JAKMIP3: variants seen among roughly 807,000 people sequenced by gnomAD.
JAKMIP3 encodes the protein janus kinase and microtubule-interacting protein 3.
In JAKMIP3, 58 loss-of-function variants were observed where a neutral mutation model predicts 118.5. The ratio of observed to expected loss-of-function variants is 0.49; its 90% CI spans 0.40 to 0.61. The LOEUF (loss-of-function observed/expected upper bound fraction) is 0.61. JAKMIP3 is among the 20% of genes least tolerant of loss of function. The probability of loss-of-function intolerance (pLI) is 0.00; values close to 1 mark genes in which losing one functional copy is unlikely to be tolerated. For synonymous variants in JAKMIP3, 486 were observed against 451.2 expected, an observed-to-expected ratio of 1.08 and a Z score of -0.98; for missense variants, 950 against 1,109.0, an observed-to-expected ratio of 0.86 and a Z score of 2.04.
At chr10:132,074,057 G>A (rs1432683729) in intron 1 of JAKMIP3, among the ~76,000 whole-genome samples, 1 of 152,004 alleles carries the variant, frequency 6.6e-6, no homozygotes, top group Non-Finnish European at 1.5e-5. Flanking sequence ...CTTTTGTTTT[G>A]TTTTGTTTTT....
chr10:132,175,525 A>C (rs1162901375), intron 23 of JAKMIP3, among the ~76,000 whole-genome samples: 2 of 152,110 alleles, frequency 1.3e-5, no homozygotes, highest in African/African-American at 4.8e-5. Flanking sequence ...TCTGGTCCCC[A>C]TTTGACCCCA....
Position 132,097,960 on chromosome 10 carries a change from CCT to C in JAKMIP3, c.-137-6711_-137-6710del, listed in dbSNP as rs1483754344. On this transcript the variant is annotated intron_variant, in intron 1 of 23. Transcript: ENST00000684848. ...CCCTTTCCCTTTCCCATCCCCTTTC[CCT>C]TTCCTTCCTTTTCTCCCCTTCCCCT... 1.3e-4 allele frequency among the ~76,000 whole-genome samples: 8 copies of C among 59,368 alleles called. 1 individual carries two copies. The highest frequency in any genetic ancestry group is 2.5e-4 in the Non-Finnish European group (7 of 27,874). 38.9% of individuals were successfully genotyped at this position (59,368 alleles called of 152,430 possible). A position where few individuals can be genotyped will look rare whatever the true frequency, so the allele number is the denominator to read the frequency against.
At position 132,144,968 on chromosome 10, in the gene JAKMIP3, C is replaced by T. The variant is rs371218501; in HGVS notation, c.1603-139C>T. The T allele has an allele frequency of 1.3e-4, 87 of 666,366 alleles. No homozygotes were observed. In the East Asian group the frequency reaches 2.1e-3, roughly 16 times the overall value. 41.3% of individuals were successfully genotyped at this position (666,366 alleles called of 1,614,324 possible). The stretch of plus-strand genomic sequence containing the variant: ...CAGTTCTCCCTCTCTTAGAAAGCAT[C>T]TCTTCCAAAGGAAGGGCGAACAGTC... On this transcript the variant is annotated intron_variant, in intron 11 of 23. Transcript: ENST00000684848.
At chr10:132,181,612 C>T (rs2061487675) in intron 23 of JAKMIP3, 1 of 152,250 alleles carries the variant, frequency 6.6e-6, no homozygotes, top group Non-Finnish European at 1.5e-5. Flanking sequence ...GCAGAGATTT[C>T]AACTGTAACG....
chr10:132,087,634 T>C (rs922463743), intron 1 of JAKMIP3, among the ~76,000 whole-genome samples: 2 of 151,896 alleles, frequency 1.3e-5, no homozygotes, highest in East Asian at 1.9e-4. Context: ...TTCTTCTGCT[T>C]GTTTGATTCT....
At position 132,117,430 on chromosome 10, in the gene JAKMIP3, C is replaced by T. The variant is rs369892382; in HGVS notation, c.489C>T (p.Gly163=). Residue 163 remains glycine (G), a synonymous_variant, in exon 3 of 24, where the codon GGC becomes GGT. Transcript: ENST00000684848. The surrounding 1 kb of genome is among the most constrained non-coding windows in gnomAD (Gnocchi z 8.6). ...KMQQEISELK[G]AKRQVEEALT... is the part of the protein sequence containing the mutation. ...AGCAGGAGATCTCCGAGCTCAAGGG[C>T]GCCAAAAGGCAGGTGGAGGAGGCGC... 51 of 1,613,952 alleles carry T rather than the reference C, an allele frequency of 3.2e-5. No homozygotes were observed. The highest frequency in any genetic ancestry group is 6.7e-5 in the Admixed American group (4 of 60,028).
At chr10:132,148,278 G>A (rs1045209033) in intron 14 of JAKMIP3, among the ~76,000 whole-genome samples, 1 of 152,204 alleles carries the variant, frequency 6.6e-6, no homozygotes, top group Non-Finnish European at 1.5e-5. Context: ...GTCAGGCAGG[G>A]ACCACCTCTT....
intron 1 of JAKMIP3, among the ~76,000 whole-genome samples, chr10:132,078,129 G>C (rs1031013224): frequency 5.3e-5 from 8 of 152,116 alleles, no homozygotes; most frequent in Non-Finnish European, 1.0e-4. Flanking sequence ...TTTTTAAAAA[G>C]ACTTTTGTTA....
chr10:132,144,853 C>T (rs950220419), intron 11 of JAKMIP3, among the ~76,000 whole-genome samples: 6 of 152,012 alleles, frequency 3.9e-5, no homozygotes, highest in Admixed American at 2.6e-4. Context: ...CACTTGAGCT[C>T]GGGAGGCGGA....
chr10:132,073,330 C>T lies in JAKMIP3; in HGVS notation c.-138+7269C>T, dbSNP rs556309824. On this transcript the variant is annotated intron_variant, in intron 1 of 23. Coordinates refer to ENST00000684848, the MANE Select transcript of JAKMIP3 (RefSeq NM_001323087.2). Reference sequence around the variant, plus strand: ...CCTCCTGAGTAGCTGGGACTACAGGCGCCTGCCACCGGGCCTGGCTAATTT... The same window carrying T: ...CCTCCTGAGTAGCTGGGACTACAGGTGCCTGCCACCGGGCCTGGCTAATTT... 1.1e-4 allele frequency among the ~76,000 whole-genome samples: 16 copies of T among 152,122 alleles called. No homozygotes were observed. The South Asian group carries it at 1.2e-3, about 12-fold the overall frequency.
rs1226019516 is a variant in JAKMIP3 at position 132,112,126 on chromosome 10, G to A, written c.136-4951G>A. 6.6e-6 allele frequency among the ~76,000 whole-genome samples: 1 copy of A among 151,982 alleles called. No individual in the cohort carries two copies. Among genetic ancestry groups the A allele is most frequent in the Non-Finnish European group, 1.5e-5 (1 of 67,958 alleles). ...CTGCCCTTTGCTGAGGTGGCATCTG[G>A]GCGAGGATGATGGGCACTGGGGGCC... On this transcript the variant is annotated intron_variant, in intron 2 of 23. Coordinates refer to ENST00000684848, the MANE Select transcript of JAKMIP3 (RefSeq NM_001323087.2). This position sits in a 1 kb window ranked among gnomAD's most constrained non-coding sequence, Gnocchi z 4.3.
intron 1 of JAKMIP3, among the ~76,000 whole-genome samples, chr10:132,042,099 C>T (rs1265000526): frequency 6.6e-6 from 1 of 152,056 alleles, no homozygotes; most frequent in African/African-American, 2.4e-5. Flanking sequence ...ATCCTGACCT[C>T]AAGTGATCTG....
intron 23 of JAKMIP3, among the ~76,000 whole-genome samples, chr10:132,178,439 A>C (rs1014404304): frequency 7.9e-5 from 12 of 152,196 alleles, no homozygotes; most frequent in African/African-American, 2.9e-4. Context: ...TCAAGAAAAA[A>C]ATACCTTGAC....
At chr10:132,161,456 T>G (rs2058292373) in intron 19 of JAKMIP3, among the ~76,000 whole-genome samples, 2 of 76,794 alleles carry the variant, frequency 2.6e-5, no homozygotes, top group Non-Finnish European at 4.8e-5. Flanking sequence ...CCTCTTCCTG[T>G]GTGATGCAGG....
chr10:132,150,499 A>C (rs1396841281), intron 16 of JAKMIP3, among the ~76,000 whole-genome samples: 1 of 152,022 alleles, frequency 6.6e-6, no homozygotes, highest in Non-Finnish European at 1.5e-5. Context: ...AAAATAATGC[A>C]CCTCTTCATC....
Position 132,104,770 on chromosome 10 carries a change from C to A in JAKMIP3, c.-39C>A, listed in dbSNP as rs2045646042. On this transcript the variant is annotated 5_prime_UTR_variant, in exon 2 of 24. Coordinates refer to ENST00000684848, the MANE Select transcript of JAKMIP3 (RefSeq NM_001323087.2). ...CCCCCAGCCCAGCCCAGCCGGAGCA[C>A]CCTACCCCTGGGCATCCCCCTGGCC... is the stretch of plus-strand genomic sequence containing the variant. The A allele has an allele frequency of 1.3e-6, 2 of 1,543,530 alleles. No homozygotes were observed. The highest frequency in any genetic ancestry group is 1.8e-6 in the Non-Finnish European group (2 of 1,142,340).
intron 2 of JAKMIP3, among the ~76,000 whole-genome samples, chr10:132,109,623 C>T (rs2046543431): frequency 6.6e-6 from 1 of 152,102 alleles, no homozygotes. Context: ...GAGCCTCCGG[C>T]CGCTTTTCTT....
At chr10:132,140,617 A>C (rs763245397) in intron 10 of JAKMIP3, 38 bp downstream of exon 10, 1 of 1,043,816 alleles carries the variant, frequency 9.6e-7, no homozygotes, top group Admixed American at 3.2e-5. Flanking sequence ...GGCTTGGAGG[A>C]GGTAACGAGG....
chr10:132,162,075 G>A (rs2058409618), intron 19 of JAKMIP3, among the ~76,000 whole-genome samples: 2 of 120,804 alleles, frequency 1.7e-5, no homozygotes, highest in South Asian at 5.7e-4. Context: ...GTGCCCTCAG[G>A]TGACCCACAG....
Sources: allele counts gnomAD v4.1 joint callset (sites outside exome capture counted in the v4.1 genomes callset), GRCh38; gene constraint gnomAD v4.1.1; non-coding constraint Gnocchi (gnomAD v3.1); transcripts MANE v1.5; gene names NCBI Gene and HGNC (gene_info 2026-07-23, HGNC 2026-07-21).